KCNIP4: variants seen among roughly 807,000 people sequenced by gnomAD.
The protein encoded by KCNIP4 is Kv channel-interacting protein 4.
In KCNIP4, 12 loss-of-function variants were observed where a neutral mutation model predicts 34.0. That is an observed-to-expected ratio of 0.35 (90% CI 0.23 to 0.57). KCNIP4 has a LOEUF of 0.57. KCNIP4 is among the 20% of genes least tolerant of loss of function. KCNIP4 has a pLI of 0.83. For missense variants in KCNIP4, 238 were observed against 311.7 expected (o/e 0.76, Z 1.78); for synonymous variants, 124 against 102.2 (o/e 1.21, Z -1.29).
chr4:21,528,681 A>T (rs1323901353), intron 1 of KCNIP4, among the ~76,000 whole-genome samples: 1 of 2,470 alleles, frequency 4.0e-4, no homozygotes, highest in Middle Eastern at 0.25. Flanking sequence ...AAAACAAAGA[A>T]AGAAAGAAAG....
chr4:21,709,232 C>T (rs1484919975), intron 1 of KCNIP4, among the ~76,000 whole-genome samples: 1 of 152,034 alleles, frequency 6.6e-6, no homozygotes, highest in African/African-American at 2.4e-5. Context: ...TCCCTTGGCC[C>T]CCAGCCAACA....
At chr4:21,103,041 T>A (rs1266382090) in intron 1 of KCNIP4, among the ~76,000 whole-genome samples, 2 of 152,094 alleles carry the variant, frequency 1.3e-5, no homozygotes, top group African/African-American at 4.8e-5. Context: ...TCTTGCTATG[T>A]GGCATTACAA....
At chr4:21,552,092 T>C (rs1388916961) in intron 1 of KCNIP4, among the ~76,000 whole-genome samples, 1 of 151,088 alleles carries the variant, frequency 6.6e-6, no homozygotes, top group Non-Finnish European at 1.5e-5. Context: ...TGTTACAATA[T>C]ATAGATCTTA....
intron 1 of KCNIP4, among the ~76,000 whole-genome samples, chr4:21,218,657 CA>C (rs1757784528): frequency 1.3e-5 from 2 of 152,280 alleles, no homozygotes; most frequent in African/African-American, 2.4e-5. Flanking sequence ...AAGGCACAGA[CA>C]CTGCAATTTC....
At chr4:20,816,110 A>G (rs1198744790) in intron 3 of KCNIP4, among the ~76,000 whole-genome samples, 1 of 152,034 alleles carries the variant, frequency 6.6e-6, no homozygotes, top group Non-Finnish European at 1.5e-5. Flanking sequence ...AAAATTAGTC[A>G]GGCATGGTGG....
At chr4:21,157,878 A>T (rs1254271042) in intron 1 of KCNIP4, among the ~76,000 whole-genome samples, 8 of 152,112 alleles carry the variant, frequency 5.3e-5, no homozygotes, top group Non-Finnish European at 1.2e-4. Flanking sequence ...GAAAAAATAA[A>T]TGAAACCAAA....
chr4:20,915,332 T>A (rs1256809480), intron 1 of KCNIP4, among the ~76,000 whole-genome samples: 1 of 152,202 alleles, frequency 6.6e-6, no homozygotes, highest in Admixed American at 6.5e-5. Context: ...AGAAAGTGGC[T>A]CATTACTTTT....
At chr4:21,096,750 T>C (rs972983244) in intron 1 of KCNIP4, among the ~76,000 whole-genome samples, 3 of 152,278 alleles carry the variant, frequency 2.0e-5, no homozygotes, top group Middle Eastern at 3.4e-3. Context: ...CTTTGAATAA[T>C]TTTAATTTAA....
chr4:21,573,374 T>A (rs530595880), intron 1 of KCNIP4, among the ~76,000 whole-genome samples: 1 of 152,152 alleles, frequency 6.6e-6, no homozygotes, highest in Non-Finnish European at 1.5e-5. Context: ...TCTGTTTTCA[T>A]GCTCCCCATT....
chr4:21,520,045 G>A (rs1453050646), intron 1 of KCNIP4, among the ~76,000 whole-genome samples: 3 of 151,896 alleles, frequency 2.0e-5, no homozygotes, highest in Non-Finnish European at 4.4e-5. Flanking sequence ...ATCCAGCGCA[G>A]GAGAAGGATG....
At chr4:21,358,733 CTCTT>C (rs1405250428) in intron 1 of KCNIP4, among the ~76,000 whole-genome samples, 1 of 152,150 alleles carries the variant, frequency 6.6e-6, no homozygotes, top group Non-Finnish European at 1.5e-5. Context: ...AAGCATACCT[CTCTT>C]TCTATTCAAA....
At chr4:21,866,596 G>A in intron 1 of KCNIP4, among the ~76,000 whole-genome samples, 1 of 152,042 alleles carries the variant, frequency 6.6e-6, no homozygotes, top group East Asian at 1.9e-4. Flanking sequence ...AGAAGAGAAA[G>A]GAAAAGCAGG....
chr4:21,812,398 A>G (rs1043116624), intron 1 of KCNIP4, among the ~76,000 whole-genome samples: 4 of 152,236 alleles, frequency 2.6e-5, no homozygotes, highest in Non-Finnish European at 5.9e-5. Flanking sequence ...AGGGAATGCC[A>G]GCAAATAAAT....
At chr4:21,234,279 T>C (rs1221310715) in intron 1 of KCNIP4, among the ~76,000 whole-genome samples, 2 of 120,896 alleles carry the variant, frequency 1.7e-5, no homozygotes, top group African/African-American at 3.5e-5. Flanking sequence ...ACATATATTA[T>C]ATATAACATA....
At chr4:21,202,999 C>G (rs891730987) in intron 1 of KCNIP4, among the ~76,000 whole-genome samples, 12 of 152,210 alleles carry the variant, frequency 7.9e-5, no homozygotes, top group Non-Finnish European at 1.2e-4. Flanking sequence ...CACCCCAGGC[C>G]ACAAGTCCAA....
intron 3 of KCNIP4, among the ~76,000 whole-genome samples, chr4:20,797,695 A>T (rs922317766): frequency 1.3e-5 from 2 of 152,188 alleles, no homozygotes; most frequent in African/African-American, 2.4e-5. Flanking sequence ...TTAAAGGTAG[A>T]GGGGATAGAG....
chr4:21,235,019 CA>C (rs1759250109), intron 1 of KCNIP4, among the ~76,000 whole-genome samples: 1 of 151,952 alleles, frequency 6.6e-6, no homozygotes, highest in Non-Finnish European at 1.5e-5. Flanking sequence ...AAGCAGTTAT[CA>C]AAATATTAAA....
chr4:20,940,820 T>A (rs1376378756), intron 1 of KCNIP4, among the ~76,000 whole-genome samples: 1 of 152,178 alleles, frequency 6.6e-6, no homozygotes, highest in African/African-American at 2.4e-5. Context: ...CAAAGACTAA[T>A]TAATTAGTAG....
chr4:20,798,191 A>G (rs1250292878), intron 3 of KCNIP4, among the ~76,000 whole-genome samples: 1 of 152,220 alleles, frequency 6.6e-6, no homozygotes, highest in Non-Finnish European at 1.5e-5. Flanking sequence ...CACCTTAAAG[A>G]CTATGTTATC....
Sources: allele counts gnomAD v4.1 joint callset (sites outside exome capture counted in the v4.1 genomes callset), GRCh38; gene constraint gnomAD v4.1.1; transcripts MANE v1.5; gene names NCBI Gene and HGNC (gene_info 2026-07-23, HGNC 2026-07-21).